The following TSHR variants were observed in gnomAD, a reference collection of about 807,000 sequenced individuals.
The protein encoded by TSHR is thyroid stimulating hormone receptor, also known as thyrotropin receptor.
Under a neutral mutation model 64.1 loss-of-function variants are expected in TSHR, and 51 were observed. The observed-to-expected ratio is 0.80, with a 90% confidence interval of 0.64 to 1.01. The LOEUF (loss-of-function observed/expected upper bound fraction) is 1.01, where lower values mean the gene tolerates loss of function less well. TSHR is among the 50% of genes least tolerant of loss of function. The probability of loss-of-function intolerance (pLI) is 0.00; values close to 1 mark genes in which losing one functional copy is unlikely to be tolerated. For missense variants in TSHR, 877 were observed against 942.8 expected, an observed-to-expected ratio of 0.93 and a Z score of 0.91; for synonymous variants, 361 against 361.9, an observed-to-expected ratio of 1.00 and a Z score of 0.03.
rs1458762496 is a variant in TSHR, at chr14:81,121,925, AGAGCAAGACT to A, written c.692+13474_692+13483del. On this transcript the variant is annotated intron_variant, in intron 8 of 9. Coordinates refer to ENST00000298171, the MANE Select transcript of TSHR (RefSeq NM_000369.5). ...ACCACTGCACTCCAGCCTGGGAGAC[AGAGCAAGACT>A]CTGTCTCAAAAAAATAAAAGGATTG... Among the ~76,000 whole-genome samples the A allele has an allele frequency of 4.3e-5, 6 of 140,218 alleles. No individual in the cohort carries two copies. The East Asian group carries it at 1.1e-3, about 26-fold the overall frequency. 92.0% of individuals were successfully genotyped at this position (140,218 alleles called of 152,430 possible).
chr14:80,991,416 A>G, intron 1 of TSHR: 1 of 386,794 alleles, frequency 2.6e-6, no homozygotes, highest in Non-Finnish European at 4.6e-6. Flanking sequence ...TTTGTTTTAA[A>G]AGAGGAAATA....
At chr14:81,011,903 G>A (rs1016848464) in intron 1 of TSHR, among the ~76,000 whole-genome samples, 1 of 151,870 alleles carries the variant, frequency 6.6e-6, no homozygotes, top group African/African-American at 2.4e-5. Flanking sequence ...TTCCTATCTA[G>A]TTTTTACAAG....
intron 8 of TSHR, among the ~76,000 whole-genome samples, chr14:81,112,632 A>G (rs2140041902): frequency 6.6e-6 from 1 of 152,328 alleles, no homozygotes; most frequent in East Asian, 1.9e-4. Flanking sequence ...TACAATAAGC[A>G]TTTACTGATG....
chr14:81,077,045 G>A (rs1456168223), intron 3 of TSHR, among the ~76,000 whole-genome samples: 1 of 151,240 alleles, frequency 6.6e-6, no homozygotes, highest in Non-Finnish European at 1.5e-5. Context: ...CTCTCTCTTT[G>A]CCTAGTTAAC....
rs1016855659 is a variant in TSHR, at chr14:81,008,212, A to G, written c.170+52362A>G. ...TTTTGAGATGGAGTCTCGCTCTGTC[A>G]CCCAGGCTGGAGTGCAGTGGCATGA... On this transcript the variant is annotated intron_variant, in intron 1 of 9. Coordinates refer to ENST00000298171, the MANE Select transcript of TSHR (RefSeq NM_000369.5). Among the ~76,000 whole-genome samples the G allele has an allele frequency of 4.8e-5, 7 of 146,992 alleles. No homozygotes were observed. In the South Asian group the frequency reaches 6.4e-4, roughly 13 times the overall value.
Position 80,963,369 on chromosome 14 carries a change from A to G in TSHR, c.170+7519A>G, listed in dbSNP as rs924753647. ...GGTTCCATATAGTTAGGGTTGCCCTATCCAAATGGACCCTCCTCTTACACC... is the reference window on the plus strand; with the variant it reads ...GGTTCCATATAGTTAGGGTTGCCCTGTCCAAATGGACCCTCCTCTTACACC... On this transcript the variant is annotated intron_variant, in intron 1 of 9. Transcript: ENST00000298171. Among the ~76,000 whole-genome samples the G allele has an allele frequency of 2.6e-5, 4 of 152,314 alleles. No individual in the cohort carries two copies. In the South Asian group the frequency reaches 8.3e-4, roughly 32 times the overall value.
chr14:80,968,014 T>C (rs1308587856), intron 1 of TSHR, among the ~76,000 whole-genome samples: 1 of 152,194 alleles, frequency 6.6e-6, no homozygotes, highest in Non-Finnish European at 1.5e-5. Context: ...CCATCAGTTC[T>C]TGGCTCCCAT....
In TSHR at chr14:81,121,913, A is replaced by G. The variant is rs1890809650; in HGVS notation, c.692+13461A>G. Among the ~76,000 whole-genome samples, 5 of 145,410 alleles carry G rather than the reference A, an allele frequency of 3.4e-5. No homozygotes were observed. In the Admixed American group the frequency reaches 3.5e-4, roughly 10 times the overall value. ...AGCCGAGATTGCACCACTGCACTCC[A>G]GCCTGGGAGACAGAGCAAGACTCTG... is the stretch of plus-strand genomic sequence containing the variant. On this transcript the variant is annotated intron_variant, in intron 8 of 9. Coordinates refer to ENST00000298171, the MANE Select transcript of TSHR (RefSeq NM_000369.5).
intron 2 of TSHR, among the ~76,000 whole-genome samples, chr14:81,067,257 C>T (rs973890573): frequency 2.0e-5 from 3 of 151,816 alleles, no homozygotes; most frequent in Non-Finnish European, 4.4e-5. Context: ...GTGTTCTTTT[C>T]TGATGCTCAT....
At chr14:80,999,586 A>G (rs1889197542) in intron 1 of TSHR, among the ~76,000 whole-genome samples, 1 of 152,206 alleles carries the variant, frequency 6.6e-6, no homozygotes, top group Non-Finnish European at 1.5e-5. Context: ...TAATTAAACT[A>G]TACAGGGTTG....
intron 8 of TSHR, among the ~76,000 whole-genome samples, chr14:81,133,416 G>A (rs901035706): frequency 4.6e-5 from 7 of 152,186 alleles, no homozygotes; most frequent in African/African-American, 1.4e-4. Context: ...AAATCTCTGG[G>A]AGGAATAGGA....
chr14:80,982,815 C>G (rs1888241334), intron 1 of TSHR: 1 of 527,874 alleles, frequency 1.9e-6, no homozygotes, highest in Non-Finnish European at 3.4e-6. Context: ...GCTCACAGCC[C>G]ATCCCTGAGT....
intron 3 of TSHR, among the ~76,000 whole-genome samples, chr14:81,069,400 G>C (rs2139913802): frequency 6.6e-6 from 1 of 152,236 alleles, no homozygotes; most frequent in East Asian, 1.9e-4. Context: ...CCTTACATCA[G>C]ATCAACTATT....
At chr14:81,025,244 C>G (rs1050491314) in intron 1 of TSHR, among the ~76,000 whole-genome samples, 2 of 152,118 alleles carry the variant, frequency 1.3e-5, no homozygotes, top group African/African-American at 4.8e-5. Flanking sequence ...TATGATAAAA[C>G]AGATGAGTAT....
At chr14:80,989,683 G>A (rs775668776) in intron 1 of TSHR, among the ~76,000 whole-genome samples, 19 of 152,088 alleles carry the variant, frequency 1.2e-4, no homozygotes, top group African/African-American at 1.7e-4. Flanking sequence ...TTCCCACAGC[G>A]TGTGGATTGC....
intron 1 of TSHR, among the ~76,000 whole-genome samples, chr14:81,030,573 A>C (rs945626819): frequency 6.6e-6 from 1 of 152,184 alleles, no homozygotes; most frequent in Non-Finnish European, 1.5e-5. Context: ...AATAAATGCT[A>C]ATTAAATTCT....
chr14:81,017,895 T>A (rs1441728589), intron 1 of TSHR, among the ~76,000 whole-genome samples: 4 of 150,704 alleles, frequency 2.7e-5, no homozygotes, highest in Admixed American at 2.0e-4. Flanking sequence ...AATGACATGA[T>A]CTCGGCTCAT....
chr14:81,072,520 G>T (rs1356065893), intron 3 of TSHR, among the ~76,000 whole-genome samples: 2 of 152,036 alleles, frequency 1.3e-5, no homozygotes, highest in Non-Finnish European at 2.9e-5. Flanking sequence ...GGAATGGAAT[G>T]AAATTAATTA....
intron 1 of TSHR, among the ~76,000 whole-genome samples, chr14:80,976,123 G>A (rs949869430): frequency 1.3e-5 from 2 of 152,164 alleles, no homozygotes; most frequent in African/African-American, 4.8e-5. Context: ...GTGTTAGCCA[G>A]GATGGTCTCC....
Sources: allele counts gnomAD v4.1 joint callset (sites outside exome capture counted in the v4.1 genomes callset), GRCh38; gene constraint gnomAD v4.1.1; transcripts MANE v1.5; gene names NCBI Gene and HGNC (gene_info 2026-07-23, HGNC 2026-07-21).